TMEM135: variants seen among roughly 807,000 people sequenced by gnomAD.
TMEM135 encodes peroxisomal membrane protein 52.
Under a neutral mutation model 60.3 loss-of-function variants are expected in TMEM135, and 30 were observed. The observed-to-expected ratio is 0.50, with a 90% confidence interval of 0.37 to 0.68. The LOEUF (loss-of-function observed/expected upper bound fraction) is 0.68. Among genes scored for constraint, TMEM135 ranks in the 30% least tolerant of loss-of-function variants. TMEM135 has a pLI of 0.00. For missense variants in TMEM135, 468 were observed against 548.8 expected (o/e 0.85, Z 1.47); for synonymous variants, 190 against 186.7 (o/e 1.02, Z -0.14).
At chr11:87,197,572 C>G (rs751578195) in intron 5 of TMEM135, among the ~76,000 whole-genome samples, 11 of 150,878 alleles carry the variant, frequency 7.3e-5, no homozygotes, top group Admixed American at 4.0e-4. Context: ...TATGATGGGA[C>G]TTTCCAATTC....
intron 13 of TMEM135, chr11:87,319,014 A>G: frequency 3.3e-6 from 1 of 299,234 alleles, no homozygotes; most frequent in Non-Finnish European, 6.4e-6. Flanking sequence ...GATTACAGGC[A>G]TGCACCACCA....
At chr11:87,285,587 T>C (rs1328127745) in intron 6 of TMEM135, among the ~76,000 whole-genome samples, 2 of 152,210 alleles carry the variant, frequency 1.3e-5, no homozygotes, top group African/African-American at 2.4e-5. Flanking sequence ...GTTGGGTTCA[T>C]GGTCTCGCTG....
intron 3 of TMEM135, among the ~76,000 whole-genome samples, chr11:87,076,004 C>T (rs746811911): frequency 3.7e-4 from 57 of 152,324 alleles, no homozygotes; most frequent in Admixed American, 4.6e-4. Flanking sequence ...GCTAGCACAG[C>T]AGTGGGTCTT....
intron 5 of TMEM135, among the ~76,000 whole-genome samples, chr11:87,218,744 T>C (rs1397275632): frequency 6.6e-6 from 1 of 152,098 alleles, no homozygotes; most frequent in Admixed American, 6.5e-5. Context: ...GGTGGATCAC[T>C]TGGGGTCAGG....
chr11:87,254,782 G>A (rs1163738357), intron 6 of TMEM135, among the ~76,000 whole-genome samples: 1 of 152,148 alleles, frequency 6.6e-6, no homozygotes, highest in African/African-American at 2.4e-5. Flanking sequence ...AGTTCAGTGT[G>A]TGGGTGGATG....
chr11:87,157,529 A>C, intron 5 of TMEM135, 123 bp downstream of exon 5: 1 of 822,976 alleles, frequency 1.2e-6, no homozygotes, highest in East Asian at 2.6e-5. Context: ...GATGTATATA[A>C]TATTGAGTGT....
chr11:87,322,434 G>A lies in TMEM135; in HGVS notation c.*1101G>A, dbSNP rs1238285783. 4.4e-6 allele frequency: 2 copies of A among 453,912 alleles called. No homozygotes were observed. The highest frequency in any genetic ancestry group is 4.7e-5 in the Admixed American group (2 of 42,540). 28.1% of individuals were successfully genotyped at this position (453,912 alleles called of 1,614,324 possible). A position where few individuals can be genotyped will look rare whatever the true frequency, so the allele number is the denominator to read the frequency against. ...ACCATTTTTACTGTTAGAATAAAGA[G>A]GTGACACCATAAAGTCCTGCTGATA... On this transcript the variant is annotated 3_prime_UTR_variant, in exon 15 of 15. Transcript: ENST00000305494.
chr11:87,122,739 G>T (rs924808492), intron 4 of TMEM135, among the ~76,000 whole-genome samples: 2 of 152,130 alleles, frequency 1.3e-5, no homozygotes, highest in Non-Finnish European at 2.9e-5. Context: ...GGGATTACAG[G>T]CGTGAGCCAC....
intron 4 of TMEM135, among the ~76,000 whole-genome samples, chr11:87,156,287 G>A (rs898716054): frequency 3.9e-5 from 6 of 152,060 alleles, no homozygotes; most frequent in Admixed American, 1.3e-4. Context: ...TTTTAAATCC[G>A]AAAGTGAGTC....
chr11:87,201,696 C>G (rs989288060), intron 5 of TMEM135, among the ~76,000 whole-genome samples: 1 of 152,114 alleles, frequency 6.6e-6, no homozygotes, highest in Non-Finnish European at 1.5e-5. Context: ...TGGTGTTTAA[C>G]ATGCCTTTTT....
intron 13 of TMEM135, 107 bp downstream of exon 13, chr11:87,318,342 A>G: frequency 1.2e-6 from 1 of 855,282 alleles, no homozygotes; most frequent in East Asian, 2.5e-5. Context: ...TTACAGTATT[A>G]CATTTTAAGC....
At position 87,325,134 on chromosome 11, in the gene TMEM135, A is replaced by C. The variant is rs1942893508; in HGVS notation, c.*3801A>C. 2.2e-6 allele frequency: 1 copy of C among 451,566 alleles called. No homozygotes were observed. Among genetic ancestry groups the C allele is most frequent in the Non-Finnish European group, 4.4e-6 (1 of 226,740 alleles). 28.0% of individuals were successfully genotyped at this position (451,566 alleles called of 1,614,324 possible). ...AGTGTCAAGGACTGAGATGACCCTC[A>C]GATTGGGGGGCTGTCTTAGATTCTA... On this transcript the variant is annotated 3_prime_UTR_variant, in exon 15 of 15. Transcript: ENST00000305494.
chr11:87,264,751 A>G (rs899693234), intron 6 of TMEM135, among the ~76,000 whole-genome samples: 2 of 151,946 alleles, frequency 1.3e-5, no homozygotes, highest in Non-Finnish European at 2.9e-5. Flanking sequence ...AATTTTATCA[A>G]TAAAGTCAAA....
At chr11:87,129,886 A>G (rs1363129645) in intron 4 of TMEM135, among the ~76,000 whole-genome samples, 1 of 151,370 alleles carries the variant, frequency 6.6e-6, no homozygotes, top group East Asian at 2.0e-4. Context: ...AACTGGTTAC[A>G]TTCTGTCTTT....
At chr11:87,218,261 AG>A (rs1366275707) in intron 5 of TMEM135, among the ~76,000 whole-genome samples, 1 of 152,200 alleles carries the variant, frequency 6.6e-6, no homozygotes, top group East Asian at 1.9e-4. Flanking sequence ...GATTTAACTT[AG>A]AAGTGGGCCC....
intron 7 of TMEM135, among the ~76,000 whole-genome samples, chr11:87,297,955 A>T (rs1942374477): frequency 6.6e-6 from 1 of 152,216 alleles, no homozygotes; most frequent in African/African-American, 2.4e-5. Flanking sequence ...AAACTTATAA[A>T]GTTGATTCTC....
chr11:87,223,673 A>G (rs528541029), intron 5 of TMEM135, among the ~76,000 whole-genome samples: 249 of 149,060 alleles, frequency 1.7e-3, no homozygotes, highest in Admixed American at 2.6e-3. Flanking sequence ...GCACGCACAC[A>G]CACACACACA....
chr11:87,071,674 A>ATTT, intron 3 of TMEM135, 59 bp downstream of exon 3: 175 of 1,103,912 alleles, frequency 1.6e-4, no homozygotes, highest in Non-Finnish European at 2.0e-4. Context: ...CCCAACTATA[A>ATTT]TTTTTTTTTT....
At chr11:87,090,643 A>G (rs1565436446) in intron 3 of TMEM135, among the ~76,000 whole-genome samples, 1 of 152,152 alleles carries the variant, frequency 6.6e-6, no homozygotes, top group Non-Finnish European at 1.5e-5. Context: ...TTTCCTAGAG[A>G]ATAGAATGTG....
Sources: allele counts gnomAD v4.1 joint callset (sites outside exome capture counted in the v4.1 genomes callset), GRCh38; gene constraint gnomAD v4.1.1; transcripts MANE v1.5; gene names NCBI Gene and HGNC (gene_info 2026-07-23, HGNC 2026-07-21).